The following ZNF428 variants were observed in gnomAD, a reference collection of about 807,000 sequenced individuals.
ZNF428 encodes the protein zinc finger protein 428, also known as enzyme-like protein PIT13.
In ZNF428, 5 loss-of-function variants were observed where a neutral mutation model predicts 15.6. The observed-to-expected ratio is 0.32, with a 90% confidence interval of 0.17 to 0.67. The LOEUF is 0.67. Ranked by LOEUF, ZNF428 falls within the 30% of genes least tolerant of loss-of-function variation. The pLI is 0.73. For missense variants in ZNF428, 237 were observed against 256.0 expected (o/e 0.93, Z 0.51); for synonymous variants, 97 against 102.2 (o/e 0.95, Z 0.31).
At position 43,612,809 on chromosome 19, in the gene ZNF428, A is replaced by T; in HGVS notation, c.76+1420T>A. 6.4e-7 allele frequency: 1 copy of T among 1,551,584 alleles called. No homozygotes were observed. On this transcript the variant is annotated intron_variant, in intron 2 of 2. Transcript: ENST00000300811. This position sits in a 1 kb window ranked among gnomAD's most constrained non-coding sequence, Gnocchi z 4.2. ...CCCGACTGGAATTCCCTCCAAGGAG[A>T]AGAGTGACAACCCATCTCCATCCTC...
chr19:43,607,809 G>A lies in ZNF428; in HGVS notation c.375C>T (p.Ala125=). 1 of 1,575,068 alleles carries A rather than the reference G, an allele frequency of 6.3e-7. No individual in the cohort carries two copies. Among genetic ancestry groups the A allele is most frequent in the Non-Finnish European group, 8.6e-7 (1 of 1,160,380 alleles). Residue 125 remains alanine, a synonymous_variant, in exon 3 of 3, where the codon GCC becomes GCT. Coordinates refer to ENST00000300811, the MANE Select transcript of ZNF428 (RefSeq NM_182498.4). The surrounding 1 kb of genome is among the most constrained non-coding windows in gnomAD (Gnocchi z 5.1). ...CCTCCCCGAGGGCCCTGCCTTCAGGGGCTGGTGCTTCCTGGGGGGCTGTAG... is the reference window on the plus strand; with the variant it reads ...CCTCCCCGAGGGCCCTGCCTTCAGGAGCTGGTGCTTCCTGGGGGGCTGTAG... ...CPATAPQEAP[A]PEGRALGEEE...
chr19:43,614,032 G>C, intron 2 of ZNF428, 197 bp downstream of exon 2: 1 of 1,551,900 alleles, frequency 6.4e-7, no homozygotes, highest in Non-Finnish European at 8.7e-7. Flanking sequence ...CCTCTAGCAA[G>C]GAGAGCGACC....
At position 43,612,048 on chromosome 19, in the gene ZNF428, G is replaced by A. The variant is rs529799969; in HGVS notation, c.76+2181C>T. 32 of 1,164,904 alleles carry A rather than the reference G, an allele frequency of 2.7e-5. No individual in the cohort carries two copies. The African/African-American group carries it at 3.5e-4, about 13-fold the overall frequency. 72.2% of individuals were successfully genotyped at this position (1,164,904 alleles called of 1,614,324 possible). A position where few individuals can be genotyped will look rare whatever the true frequency, so the allele number is the denominator to read the frequency against. On this transcript the variant is annotated intron_variant, in intron 2 of 2. Coordinates refer to ENST00000300811, the MANE Select transcript of ZNF428 (RefSeq NM_182498.4). This position sits in a 1 kb window ranked among gnomAD's most constrained non-coding sequence, Gnocchi z 4.2. ...ACAGTTGGCCTGTGACAGGCAATCA[G>A]GTCATCGTCCACGGCTACCAGGTGT...
chr19:43,609,359 G>GGAGAGTGAGAGAGAGA (rs1555775013), intron 2 of ZNF428, among the ~76,000 whole-genome samples: 1 of 81,762 alleles, frequency 1.2e-5, no homozygotes, highest in African/African-American at 3.7e-5. Context: ...CTGTGGCCAT[G>GGAGAGTGAGAGAGAGA]GAGAGAGAGA....
chr19:43,610,496 G>A (rs1234634726), intron 2 of ZNF428, among the ~76,000 whole-genome samples: 1 of 151,696 alleles, frequency 6.6e-6, no homozygotes, highest in Non-Finnish European at 1.5e-5. Flanking sequence ...CACCGCAGCC[G>A]GCTCATTTTT....
At chr19:43,616,126 G>A (rs982549853) in intron 1 of ZNF428, among the ~76,000 whole-genome samples, 1 of 152,168 alleles carries the variant, frequency 6.6e-6, no homozygotes, top group Non-Finnish European at 1.5e-5. Flanking sequence ...TGTAACAAAG[G>A]CTGTAGGAGT....
intron 1 of ZNF428, among the ~76,000 whole-genome samples, chr19:43,616,670 G>A (rs1267100647): frequency 6.6e-6 from 1 of 152,158 alleles, no homozygotes; most frequent in African/African-American, 2.4e-5. Context: ...TCCATCAAGA[G>A]TGGCCATTAC....
chr19:43,612,931 C>A lies in ZNF428; in HGVS notation c.76+1298G>T, dbSNP rs779300078. On this transcript the variant is annotated intron_variant, in intron 2 of 2. Coordinates refer to ENST00000300811, the MANE Select transcript of ZNF428 (RefSeq NM_182498.4). The surrounding 1 kb of genome is among the most constrained non-coding windows in gnomAD (Gnocchi z 4.2). ...TGTCCAGCAGGGTCAAGAGTTATAA[C>A]CAGGCCAGCACCCGCAGCAGGCCGC... 3 of 1,551,666 alleles carry A rather than the reference C, an allele frequency of 1.9e-6. No homozygotes were observed. The South Asian group carries it at 3.6e-5, about 18-fold the overall frequency.
Position 43,607,637 on chromosome 19 carries a change from G to T in ZNF428, c.547C>A (p.His183Asn), listed in dbSNP as rs1167254436. 6.3e-7 allele frequency: 1 copy of T among 1,593,728 alleles called. No homozygotes were observed. Among genetic ancestry groups the T allele is most frequent in the African/African-American group, 1.3e-5 (1 of 74,510 alleles). Residue 183 changes from histidine to asparagine, a missense_variant, in exon 3 of 3, where the codon CAT (histidine) becomes AAT (asparagine). Physicochemically the swap from His to Asn is moderately conservative, Grantham distance 68 (BLOSUM62 1). Transcript: ENST00000300811. This position sits in a 1 kb window ranked among gnomAD's most constrained non-coding sequence, Gnocchi z 5.1. The part of the protein sequence containing the change: ...LGELHGHFML[H>N]ARGEV ...TCTGCCTACACCTCACCCCGGGCAT[G>T]CAGCATGAAGTGCCCGTGCAGCTCC...
In ZNF428 at chr19:43,607,455, G is replaced by C. The variant is rs545686674; in HGVS notation, c.*162C>G. On this transcript the variant is annotated 3_prime_UTR_variant, in exon 3 of 3. Transcript: ENST00000300811. This position sits in a 1 kb window ranked among gnomAD's most constrained non-coding sequence, Gnocchi z 5.1. The stretch of plus-strand genomic sequence containing the variant: ...CACACACTCTGAACCAACACACACA[G>C]ATACAGATTTTGGCTTTTATTCTGG... 61 of 853,728 alleles carry C rather than the reference G, an allele frequency of 7.1e-5. No individual in the cohort carries two copies. Among genetic ancestry groups the C allele is most frequent in the Admixed American group, 5.6e-4 (18 of 31,886 alleles). 52.9% of individuals were successfully genotyped at this position (853,728 alleles called of 1,614,324 possible). A position where few individuals can be genotyped will look rare whatever the true frequency, so the allele number is the denominator to read the frequency against.
intron 1 of ZNF428, among the ~76,000 whole-genome samples, chr19:43,615,260 C>T (rs762197816): frequency 6.6e-6 from 1 of 152,046 alleles, no homozygotes; most frequent in Admixed American, 6.6e-5. Context: ...TCCATTCCAA[C>T]GCTGTCCCCA....
At chr19:43,619,454 G>C (rs1568537454) in intron 1 of ZNF428, 104 bp downstream of exon 1, 1 of 152,304 alleles carries the variant, frequency 6.6e-6, no homozygotes. Context: ...CACGGCCCCA[G>C]ACCGCCGGCT....
In ZNF428 at chr19:43,614,226, T is replaced by C; in HGVS notation, c.76+3A>G. ...GACGCCACCACCTCTAAGGCCACCTTACCTGGGGAAAGGTCTTCATCATCT... is the reference window on the plus strand; with the variant it reads ...GACGCCACCACCTCTAAGGCCACCTCACCTGGGGAAAGGTCTTCATCATCT... On this transcript the variant is annotated splice_donor_region_variant and intron_variant, in intron 2 of 2. Coordinates refer to ENST00000300811, the MANE Select transcript of ZNF428 (RefSeq NM_182498.4). 1 of 1,614,212 alleles carries C rather than the reference T, an allele frequency of 6.2e-7. No individual in the cohort carries two copies. The highest frequency in any genetic ancestry group is 8.5e-7 in the Non-Finnish European group (1 of 1,180,036).
rs556460394 is a variant in ZNF428 at position 43,609,886 on chromosome 19, G to A, written c.77-1779C>T. On this transcript the variant is annotated intron_variant, in intron 2 of 2. Coordinates refer to ENST00000300811, the MANE Select transcript of ZNF428 (RefSeq NM_182498.4). ...CGGTGTGGGAAGTACCAGCTTCTTC[G>A]GCCTTGGTGGTAGGAGCCTGCCAAA... Among the ~76,000 whole-genome samples the A allele has an allele frequency of 8.5e-5, 13 of 152,136 alleles. No homozygotes were observed. The South Asian group carries it at 1.2e-3, about 15-fold the overall frequency.
chr19:43,613,980 C>G (rs1236259407), intron 2 of ZNF428: 1 of 1,551,714 alleles, frequency 6.4e-7, no homozygotes, highest in Non-Finnish European at 8.7e-7. Context: ...CATAGCCGAT[C>G]TAGAACCCCC....
chr19:43,614,453 A>C lies in ZNF428; in HGVS notation c.-130-19T>G. 1 of 1,436,896 alleles carries C rather than the reference A, an allele frequency of 7.0e-7. No individual in the cohort carries two copies. Among genetic ancestry groups the C allele is most frequent in the East Asian group, 2.5e-5 (1 of 39,992 alleles). 89.0% of individuals were successfully genotyped at this position (1,436,896 alleles called of 1,614,324 possible). A position where few individuals can be genotyped will look rare whatever the true frequency, so the allele number is the denominator to read the frequency against. ...AGGGATGCTGGATAGGGGGAAAGGA[A>C]AGACCTGTGATGATTCAATAAATTT... On this transcript the variant is annotated intron_variant, in intron 1 of 2. Transcript: ENST00000300811.
At position 43,607,375 on chromosome 19, in the gene ZNF428, A is replaced by G. The variant is rs1393650153; in HGVS notation, c.*242T>C. 1 of 359,190 alleles carries G rather than the reference A, an allele frequency of 2.8e-6. No individual in the cohort carries two copies. Among genetic ancestry groups the G allele is most frequent in the Admixed American group, 5.3e-5 (1 of 18,974 alleles). The allele number at this position is 359,190 out of a possible 1,614,324, so 22.3% of individuals were successfully genotyped here. ...CCAAGAAGGAGCCCAGGGGGAATAC[A>G]CACACACACACACACACACAAACAC... On this transcript the variant is annotated 3_prime_UTR_variant, in exon 3 of 3. Transcript: ENST00000300811. This position sits in a 1 kb window ranked among gnomAD's most constrained non-coding sequence, Gnocchi z 5.1.
At chr19:43,617,087 C>T (rs759748056) in intron 1 of ZNF428, among the ~76,000 whole-genome samples, 10 of 152,124 alleles carry the variant, frequency 6.6e-5, no homozygotes, top group Non-Finnish European at 1.0e-4. Context: ...AGAGCCACCA[C>T]GCCCAGCCCT....
chr19:43,611,571 C>T (rs1317786779), intron 2 of ZNF428, among the ~76,000 whole-genome samples: 1 of 152,192 alleles, frequency 6.6e-6, no homozygotes, highest in African/African-American at 2.4e-5. Context: ...CTGCCTGCCT[C>T]AGCCTCCCAA....
Sources: allele counts gnomAD v4.1 joint callset (sites outside exome capture counted in the v4.1 genomes callset), GRCh38; gene constraint gnomAD v4.1.1; non-coding constraint Gnocchi (gnomAD v3.1); transcripts MANE v1.5; gene names NCBI Gene and HGNC (gene_info 2026-07-23, HGNC 2026-07-21).